MAPK14: variants seen among roughly 807,000 people sequenced by gnomAD.
The protein encoded by MAPK14 is mitogen-activated protein kinase 14.
Under a neutral mutation model 49.6 loss-of-function variants are expected in MAPK14, and 16 were observed. That is an observed-to-expected ratio of 0.32 (90% CI 0.22 to 0.49). MAPK14 has a LOEUF of 0.49. Among genes scored for constraint, MAPK14 ranks in the 20% least tolerant of loss-of-function variants. The pLI, the probability that MAPK14 is intolerant of heterozygous loss-of-function variation, is 0.99. For synonymous variants in MAPK14, 142 were observed against 158.0 expected, an observed-to-expected ratio of 0.90 and a Z score of 0.76; for missense variants, 200 against 441.2, an observed-to-expected ratio of 0.45 and a Z score of 4.90.
At chr6:36,037,603 A>T (rs1026914965) in intron 1 of MAPK14, among the ~76,000 whole-genome samples, 1 of 152,152 alleles carries the variant, frequency 6.6e-6, no homozygotes, top group Non-Finnish European at 1.5e-5. Flanking sequence ...AGGACTCATT[A>T]TACCTTGAGT....
At chr6:36,030,709 T>A (rs1762509204) in intron 1 of MAPK14, among the ~76,000 whole-genome samples, 1 of 147,702 alleles carries the variant, frequency 6.8e-6, no homozygotes, top group Non-Finnish European at 1.5e-5. Context: ...AAAAAAGATA[T>A]TCAGTGAAAA....
At chr6:36,076,266 G>A (rs957969588) in intron 7 of MAPK14, among the ~76,000 whole-genome samples, 17 of 152,152 alleles carry the variant, frequency 1.1e-4, no homozygotes, top group Non-Finnish European at 2.1e-4. Flanking sequence ...TTACTTGGAA[G>A]AATCTACCAT....
chr6:36,057,596 G>A (rs1763636058), intron 2 of MAPK14, among the ~76,000 whole-genome samples: 1 of 152,104 alleles, frequency 6.6e-6, no homozygotes, highest in Non-Finnish European at 1.5e-5. Flanking sequence ...GTGCATGCCT[G>A]TTATCCCAGC....
intron 8 of MAPK14, among the ~76,000 whole-genome samples, chr6:36,079,031 G>C (rs1764641234): frequency 1.3e-5 from 2 of 152,214 alleles, no homozygotes; most frequent in Admixed American, 1.3e-4. Context: ...TGCAGCTAGT[G>C]TTGAGTACAA....
chr6:36,039,995 C>CAAAA (rs535039133), intron 1 of MAPK14, among the ~76,000 whole-genome samples: 6 of 81,716 alleles, frequency 7.3e-5, no homozygotes, highest in African/African-American at 2.4e-4. Flanking sequence ...GACTCAGTCT[C>CAAAA]AAAAAAAAAA....
chr6:36,090,032 C>T (rs570504997), intron 8 of MAPK14, among the ~76,000 whole-genome samples: 36 of 152,298 alleles, frequency 2.4e-4, no homozygotes, highest in African/African-American at 8.4e-4. Context: ...AAATGGTGCT[C>T]TTAAGACATA....
At chr6:36,100,199 C>G in intron 9 of MAPK14, 1 of 1,612,172 alleles carries the variant, frequency 6.2e-7, no homozygotes, top group Non-Finnish European at 8.5e-7. Context: ...TATTAACCAG[C>G]TTCAGCAGAT....
chr6:36,037,472 G>A (rs2127398313), intron 1 of MAPK14, among the ~76,000 whole-genome samples: 1 of 152,198 alleles, frequency 6.6e-6, no homozygotes, highest in Admixed American at 6.5e-5. Context: ...TGGGCAAATG[G>A]ATATATTTTA....
intron 8 of MAPK14, chr6:36,076,841 C>T (rs1419387820): frequency 2.5e-6 from 1 of 394,062 alleles, no homozygotes; most frequent in Non-Finnish European, 4.6e-6. Flanking sequence ...CCCATCAAGT[C>T]TGTCTTCTTT....
At chr6:36,061,609 G>A (rs771735441) in intron 3 of MAPK14, among the ~76,000 whole-genome samples, 4 of 152,200 alleles carry the variant, frequency 2.6e-5, no homozygotes, top group Non-Finnish European at 5.9e-5. Context: ...ATTACTACTT[G>A]TTGACTACTT....
chr6:36,052,681 T>C lies in MAPK14; in HGVS notation c.117-18T>C, dbSNP rs746037908. ...AACAGCTTTTTAATGGTGGGTTTTT[T>C]CCCTTTTTTCTCCTTAGTGCTGCTT... is the stretch of plus-strand genomic sequence containing the variant. On this transcript the variant is annotated intron_variant, in intron 1 of 11. Transcript: ENST00000229794. 21 of 1,584,910 alleles carry C rather than the reference T, an allele frequency of 1.3e-5. No homozygotes were observed. Among genetic ancestry groups the C allele is most frequent in the Admixed American group, 1.9e-5 (1 of 52,666 alleles).
At chr6:36,070,500 G>T (rs1313883590) in intron 3 of MAPK14, among the ~76,000 whole-genome samples, 2 of 152,200 alleles carry the variant, frequency 1.3e-5, no homozygotes, top group Non-Finnish European at 2.9e-5. Flanking sequence ...TTGCTGCAGT[G>T]CTGGACACAG....
At chr6:36,111,449 T>A (rs1042049056), downstream of MAPK14, among the ~76,000 whole-genome samples, 2 of 152,190 alleles carry the variant, frequency 1.3e-5, no homozygotes, top group African/African-American at 4.8e-5. Context: ...TTTGAGACTA[T>A]CTATAAGCCA....
At chr6:36,051,236 C>T (rs1434821328) in intron 1 of MAPK14, among the ~76,000 whole-genome samples, 1 of 151,876 alleles carries the variant, frequency 6.6e-6, no homozygotes, top group African/African-American at 2.4e-5. Context: ...CTGCCTCAGC[C>T]TCCTGAGTAG....
chr6:36,102,664 T>C lies in MAPK14; in HGVS notation c.841+15T>C, dbSNP rs1360484474. ...CAATCCCCTGGGTAAGTTGACCATA[T>C]ATCCTCACCTCATGGATATTGAATT... is the stretch of plus-strand genomic sequence containing the variant. On this transcript the variant is annotated intron_variant, in intron 10 of 11. Coordinates refer to ENST00000229794, the MANE Select transcript of MAPK14 (RefSeq NM_139012.3). 6.2e-7 allele frequency: 1 copy of C among 1,613,010 alleles called. No individual in the cohort carries two copies. The highest frequency in any genetic ancestry group is 8.5e-7 in the Non-Finnish European group (1 of 1,179,214).
chr6:36,086,087 T>C (rs113269584), intron 8 of MAPK14, among the ~76,000 whole-genome samples: 2,288 of 152,162 alleles, frequency 0.015, 59 homozygotes, highest in African/African-American at 0.047. Context: ...AAGGCGGAAA[T>C]CAGAAGTTCT....
intron 10 of MAPK14, among the ~76,000 whole-genome samples, chr6:36,104,218 CA>C (rs1020623691): frequency 8.5e-4 from 130 of 152,280 alleles, no homozygotes; most frequent in African/African-American, 2.6e-3. Context: ...ACAGTCTCAT[CA>C]GGGGTGGGTA....
In MAPK14 at chr6:36,028,194, C is replaced by G. The variant is rs1277802346; in HGVS notation, c.37C>G (p.Leu13Val). Residue 13 changes from leucine to valine, a missense_variant, in exon 1 of 12, where the codon CTG becomes GTG. Leu to Val is a conservative substitution (Grantham distance 32). This residue lies in a region of MAPK14 where 30 missense variants were observed against 34.2 expected (regional missense o/e 0.88). Transcript: ENST00000229794. The surrounding 1 kb of genome is among the most constrained non-coding windows in gnomAD (Gnocchi z 5.1). ...GAGGCCCACGTTCTACCGGCAGGAG[C>G]TGAACAAGACAATCTGGGAGGTGCC... The part of the protein sequence containing the change: ...QERPTFYRQE[L>V]NKTIWEVPER... 2 of 1,613,744 alleles carry G rather than the reference C, an allele frequency of 1.2e-6. No homozygotes were observed. The highest frequency in any genetic ancestry group is 2.2e-5 in the East Asian group (1 of 44,840).
intron 9 of MAPK14, chr6:36,096,772 T>A (rs1388798018): frequency 1.3e-5 from 2 of 152,228 alleles, no homozygotes; most frequent in African/African-American, 4.8e-5. Context: ...AGTTTGGAAC[T>A]AGTGCTTTCT....
Sources: gnomAD v4.1 joint callset for allele counts (sites outside exome capture counted in the v4.1 genomes callset) on GRCh38, gnomAD v4.1.1 for gene constraint, gnomAD v4.1.1 regional missense constraint, Gnocchi (gnomAD v3.1) non-coding constraint, MANE v1.5 for transcripts, NCBI Gene and HGNC (gene_info 2026-07-23, HGNC 2026-07-21) for gene names.